The following UNC13A variants were observed in gnomAD, a reference collection of about 807,000 sequenced individuals.
UNC13A encodes the protein unc-13 homolog A.
A neutral mutation model predicts 219.7 loss-of-function variants in UNC13A; 61 were observed. That is an observed-to-expected ratio of 0.28 (90% CI 0.23 to 0.34). The LOEUF is 0.34. UNC13A is among the 10% of genes least tolerant of loss of function. UNC13A has a pLI of 1.00. For missense variants in UNC13A, 1,476 were observed against 2,270.3 expected (o/e 0.65, Z 7.11); for synonymous variants, 920 against 884.6 (o/e 1.04, Z -0.71).
At chr19:17,647,745 T>A (rs4808089) in intron 16 of UNC13A, among the ~76,000 whole-genome samples, 31,482 of 146,482 alleles carry the variant, frequency 0.21, 3,559 homozygotes, top group African/African-American at 0.27. Context: ...GAGTCCCCAC[T>A]GGTTTTTGGA....
At chr19:17,676,164 A>G in intron 1 of UNC13A, 123 bp from the exon 2 acceptor site, 1 of 1,028,452 alleles carries the variant, frequency 9.7e-7, no homozygotes, top group Non-Finnish European at 1.5e-6. Context: ...CACAGAGGAG[A>G]GACAGGCAAA....
chr19:17,642,454 C>T (rs2076981339), intron 20 of UNC13A, among the ~76,000 whole-genome samples: 1 of 152,224 alleles, frequency 6.6e-6, no homozygotes, highest in African/African-American at 2.4e-5. Flanking sequence ...ATCACTCATT[C>T]ATCTGTTCAA....
At chr19:17,618,303 G>C in intron 40 of UNC13A, 118 bp downstream of exon 40, 1 of 1,103,500 alleles carries the variant, frequency 9.1e-7, no homozygotes, top group South Asian at 1.4e-5. Flanking sequence ...AGGGGAACGA[G>C]GGAGTGTCCA....
At chr19:17,663,427 C>G in intron 8 of UNC13A, 105 bp downstream of exon 8, 1 of 1,351,964 alleles carries the variant, frequency 7.4e-7, no homozygotes, top group East Asian at 2.4e-5. Context: ...GTGCTCGTCA[C>G]AGGCTCCTTG....
At chr19:17,677,677 C>T (rs1350635453) in intron 1 of UNC13A, among the ~76,000 whole-genome samples, 1 of 151,950 alleles carries the variant, frequency 6.6e-6, no homozygotes, top group Non-Finnish European at 1.5e-5. Flanking sequence ...CTTTTCTTTC[C>T]TCCCTCTTTT....
intron 1 of UNC13A, among the ~76,000 whole-genome samples, chr19:17,683,769 A>G (rs1233300616): frequency 2.0e-5 from 3 of 152,104 alleles, no homozygotes; most frequent in African/African-American, 4.8e-5. Flanking sequence ...TGTTCATGTC[A>G]TTTATTCATA....
chr19:17,621,839 A>G lies in UNC13A; in HGVS notation c.4235T>C (p.Leu1412Ser), dbSNP rs1365686175. Residue 1412 changes from leucine to serine, a missense_variant, in exon 37 of 44, where the codon TTA becomes TCA. Around this residue, in one of 14 missense-constraint regions of UNC13A, gnomAD observed 75 missense variants for 100.2 expected, o/e 0.75. Coordinates refer to ENST00000519716, the MANE Select transcript of UNC13A (RefSeq NM_001080421.3). ...GNLLRKHGKG[L>S]EKGRVKLPSH... is the part of the protein sequence containing the mutation. ...AGACGAGGCCCTCATTACCTTTTCTAATCCCTTGCCATGTTTTCTCAAGAG... is the reference window on the plus strand; with the variant it reads ...AGACGAGGCCCTCATTACCTTTTCTGATCCCTTGCCATGTTTTCTCAAGAG... The G allele has an allele frequency of 5.0e-6, 8 of 1,613,790 alleles. No individual in the cohort carries two copies. The highest frequency in any genetic ancestry group is 5.9e-6 in the Non-Finnish European group (7 of 1,179,872).
chr19:17,664,105 A>G (rs902786928), intron 7 of UNC13A, among the ~76,000 whole-genome samples: 2 of 152,124 alleles, frequency 1.3e-5, no homozygotes, highest in Admixed American at 1.3e-4. Flanking sequence ...TGCCTGGCTC[A>G]GTTTTCAATG....
At position 17,649,729 on chromosome 19, in the gene UNC13A, C is replaced by T; in HGVS notation, c.1440-142G>A. ...AAAGATACGCTGATGCCCTAACCCC[C>T]ACTACCTCAGAAGGTGACCTTACTT... On this transcript the variant is annotated intron_variant, in intron 12 of 43. Coordinates refer to ENST00000519716, the MANE Select transcript of UNC13A (RefSeq NM_001080421.3). The surrounding 1 kb of genome is among the most constrained non-coding windows in gnomAD (Gnocchi z 4.4). 2 of 838,492 alleles carry T rather than the reference C, an allele frequency of 2.4e-6. No individual in the cohort carries two copies. The highest frequency in any genetic ancestry group is 3.8e-6 in the Non-Finnish European group (2 of 522,200). 51.9% of individuals were successfully genotyped at this position (838,492 alleles called of 1,614,324 possible). A position where few individuals can be genotyped will look rare whatever the true frequency, so the allele number is the denominator to read the frequency against.
chr19:17,606,329 C>T lies in UNC13A; in HGVS notation c.4837G>A (p.Glu1613Lys). ...ACGCACACCTGCAGCTCATAGCACT[C>T]GGGACCCGCGTCGGCGCTCAGCGTG... ...QFTLSADAGP[E>K]CYELQVCVKD... The change falls in exon 44 of 44, where the codon GAG becomes AAG. Residue 1613 changes from glutamate to lysine, a missense_variant. Glu to Lys is a moderately conservative substitution (Grantham distance 56). Around this residue, in one of 14 missense-constraint regions of UNC13A, gnomAD observed 187 missense variants for 172.3 expected, o/e 1.09. Transcript: ENST00000519716. The T allele has an allele frequency of 1.3e-6, 2 of 1,547,508 alleles. No homozygotes were observed. Among genetic ancestry groups the T allele is most frequent in the Non-Finnish European group, 1.7e-6 (2 of 1,147,534 alleles).
chr19:17,608,563 G>GCT (rs2076565227), intron 43 of UNC13A, among the ~76,000 whole-genome samples: 2 of 147,592 alleles, frequency 1.4e-5, no homozygotes, highest in Admixed American at 1.4e-4. Flanking sequence ...TGTTGCCCAG[G>GCT]CTGGAGTGCA....
chr19:17,654,902 C>G (rs752832443), intron 11 of UNC13A, among the ~76,000 whole-genome samples: 4 of 152,194 alleles, frequency 2.6e-5, no homozygotes, highest in Non-Finnish European at 4.4e-5. Flanking sequence ...GGGAAGGAGG[C>G]TGGGCTGGGG....
In UNC13A at chr19:17,668,495, A is replaced by G. The variant is rs575211299; in HGVS notation, c.395-305T>C. Among the ~76,000 whole-genome samples, 4 of 152,142 alleles carry G rather than the reference A, an allele frequency of 2.6e-5. No homozygotes were observed. In the South Asian group the frequency reaches 6.2e-4, roughly 24 times the overall value. ...TTTTATTTAATTTTTTAATTTTTAA[A>G]TTGTTTTTTGAGACGGAGTCTCACT... is the stretch of plus-strand genomic sequence containing the variant. On this transcript the variant is annotated intron_variant, in intron 5 of 43. Coordinates refer to ENST00000519716, the MANE Select transcript of UNC13A (RefSeq NM_001080421.3).
Position 17,604,244 on chromosome 19 carries a change from T to G in UNC13A, c.*1810A>C, listed in dbSNP as rs955701514. Reference sequence around the variant, plus strand: ...GGCTGGAATCCAGTCTCTCCCCAACTTAAAACAGCTCCTGGAGCTCCCCAA... The same window carrying G: ...GGCTGGAATCCAGTCTCTCCCCAACGTAAAACAGCTCCTGGAGCTCCCCAA... On this transcript the variant is annotated 3_prime_UTR_variant, in exon 44 of 44. Coordinates refer to ENST00000519716, the MANE Select transcript of UNC13A (RefSeq NM_001080421.3). The G allele has an allele frequency of 6.6e-6, 1 of 152,162 alleles. No individual in the cohort carries two copies. The highest frequency in any genetic ancestry group is 2.4e-5 in the African/African-American group (1 of 41,398). 9.4% of individuals were successfully genotyped at this position (152,162 alleles called of 1,614,324 possible).
rs543389939 is a variant in UNC13A at position 17,603,846 on chromosome 19, C to G, written c.*2208G>C. 1 of 148,568 alleles carries G rather than the reference C, an allele frequency of 6.7e-6. No homozygotes were observed. The highest frequency in any genetic ancestry group is 2.5e-5 in the African/African-American group (1 of 40,076). 9.2% of individuals were successfully genotyped at this position (148,568 alleles called of 1,614,324 possible). A position where few individuals can be genotyped will look rare whatever the true frequency, so the allele number is the denominator to read the frequency against. Reference sequence around the variant, plus strand: ...AGAGGGGAGGGAATGGAGTATTGTTCTGTTGCCCAGGCTGGAGTGCAGTTG... The same window carrying G: ...AGAGGGGAGGGAATGGAGTATTGTTGTGTTGCCCAGGCTGGAGTGCAGTTG... On this transcript the variant is annotated 3_prime_UTR_variant, in exon 44 of 44. Transcript: ENST00000519716.
At chr19:17,611,056 C>T (rs2076598557) in intron 42 of UNC13A, among the ~76,000 whole-genome samples, 1 of 152,084 alleles carries the variant, frequency 6.6e-6, no homozygotes, top group Admixed American at 6.5e-5. Flanking sequence ...ACAACAACAA[C>T]AACACATTAG....
chr19:17,662,623 A>G (rs182448927), intron 8 of UNC13A, among the ~76,000 whole-genome samples: 3 of 152,210 alleles, frequency 2.0e-5, no homozygotes, highest in African/African-American at 7.2e-5. Flanking sequence ...AGGTAGAAAA[A>G]CGGACATTTA....
intron 11 of UNC13A, 125 bp downstream of exon 11, chr19:17,655,149 T>C: frequency 1.3e-6 from 1 of 789,478 alleles, no homozygotes; most frequent in South Asian, 1.5e-5. Flanking sequence ...CAGGCTAGGC[T>C]TGGGTACGGG....
At chr19:17,629,356 A>G (rs958541623) in intron 30 of UNC13A, 33 bp from the exon 31 acceptor site, 2 of 1,584,132 alleles carry the variant, frequency 1.3e-6, no homozygotes, top group Non-Finnish European at 1.7e-6. Flanking sequence ...GTGAGAGGAG[A>G]GGCTGGCACC....
Sources: gnomAD v4.1 joint callset for allele counts (sites outside exome capture counted in the v4.1 genomes callset) on GRCh38, gnomAD v4.1.1 for gene constraint, gnomAD v4.1.1 regional missense constraint, Gnocchi (gnomAD v3.1) non-coding constraint, MANE v1.5 for transcripts, NCBI Gene and HGNC (gene_info 2026-07-23, HGNC 2026-07-21) for gene names.